Variants in C6orf136 observed in about 807,000 individuals in gnomAD.
C6orf136 encodes the protein uncharacterized protein C6orf136.
C6orf136 carries 29 observed loss-of-function variants against 44.0 expected under a neutral mutation model. The observed-to-expected ratio is 0.66, with a 90% CI of 0.49 to 0.90. C6orf136 has a LOEUF of 0.90. Among genes scored for constraint, C6orf136 ranks in the 40% least tolerant of loss-of-function variants. The pLI, the probability that C6orf136 is intolerant of heterozygous loss-of-function variation, is 0.00. For missense variants in C6orf136, 628 were observed against 669.3 expected, an observed-to-expected ratio of 0.94 and a Z score of 0.68; for synonymous variants, 293 against 278.6, an observed-to-expected ratio of 1.05 and a Z score of -0.52.
chr6:30,647,836 C>T lies in C6orf136; in HGVS notation c.605C>T (p.Ser202Leu), dbSNP rs758865017. The change falls in exon 1 of 6, where the codon TCG becomes TTG. Residue 202 changes from serine to leucine, a missense_variant. Physicochemically the swap from Ser to Leu is moderately radical, Grantham distance 145. Coordinates refer to ENST00000651131, the MANE Select transcript of C6orf136 (RefSeq NM_001161376.2). The surrounding 1 kb of genome is among the most constrained non-coding windows in gnomAD (Gnocchi z 4.8). Reference protein sequence around the residue: ...PSRDGASRTPSGTEDQLYPGT... With the variant: ...PSRDGASRTPLGTEDQLYPGT... Reference sequence around the variant, plus strand: ...AGAGACGGCGCCTCTAGGACACCATCGGGGACCGAGGTACCCGAGCGGTCC... The same window carrying T: ...AGAGACGGCGCCTCTAGGACACCATTGGGGACCGAGGTACCCGAGCGGTCC... 2.0e-6 allele frequency: 3 copies of T among 1,493,852 alleles called. No homozygotes were observed. The South Asian group carries it at 3.8e-5, about 19-fold the overall frequency. The allele number at this position is 1,493,852 out of a possible 1,614,324, so 92.5% of individuals were successfully genotyped here.
chr6:30,650,926 A>G (rs569047856), intron 2 of C6orf136, 68 bp from the exon 3 acceptor site: 5 of 1,306,908 alleles, frequency 3.8e-6, no homozygotes, highest in Non-Finnish European at 5.4e-6. Flanking sequence ...AAAAAAAAAA[A>G]TTAGAAAACT....
At chr6:30,649,433 C>G in intron 1 of C6orf136, 125 bp from the exon 2 acceptor site, 1 of 801,842 alleles carries the variant, frequency 1.2e-6, no homozygotes, top group Non-Finnish European at 1.9e-6. Context: ...TCCCTTTTTT[C>G]CTATAGTAAT....
chr6:30,652,469 G>T, intron 4 of C6orf136, 179 bp from the exon 5 acceptor site: 1 of 647,890 alleles, frequency 1.5e-6, no homozygotes. Context: ...AAAAAATATT[G>T]ACGCCAAACA....
chr6:30,651,407 G>C lies in C6orf136; in HGVS notation c.1248G>C (p.Gly416=), dbSNP rs1192780592. 2 of 1,613,198 alleles carry C rather than the reference G, an allele frequency of 1.2e-6. No homozygotes were observed. The highest frequency in any genetic ancestry group is 8.5e-7 in the Non-Finnish European group (1 of 1,180,026). ...TGCAAGCCCGGTGGCGGCTTGTGGG[G>C]CTGCCCGTCCACTTGCTCTTTTTGC... is the stretch of plus-strand genomic sequence containing the variant. The part of the protein sequence containing the change: ...WTLQARWRLV[G]LPVHLLFLRF... The change falls in exon 4 of 6, where the codon GGG becomes GGC. Residue 416 remains glycine, a synonymous_variant. Transcript: ENST00000651131.
In C6orf136 at chr6:30,649,745, C is replaced by T; in HGVS notation, c.803C>T (p.Pro268Leu). ...CTCAGCTCAGCATGGGTGGTTCTCC[C>T]TCCAGGAAAGGGGGAGGAGGGACCA... ...QALSSAWVVL[P>L]PGKGEEGPGP... Residue 268 changes from proline to leucine, a missense_variant, in exon 2 of 6, where the codon CCT becomes CTT. This residue lies in a region of C6orf136 where 497 missense variants were observed against 469.2 expected (regional missense o/e 1.06). Transcript: ENST00000651131. The T allele has an allele frequency of 6.2e-7, 1 of 1,613,978 alleles. No homozygotes were observed. Among genetic ancestry groups the T allele is most frequent in the Admixed American group, 1.7e-5 (1 of 60,000 alleles).
In C6orf136 at chr6:30,647,541, G is replaced by T. The variant is rs866892600; in HGVS notation, c.310G>T (p.Gly104Cys). ...CCCAGGTTTGAGGGCGGTCAGGCGG[G>T]GTCAAGGCCAGGCAGCGGGGCGCGT... is the stretch of plus-strand genomic sequence containing the variant. The part of the protein sequence containing the change: ...VLPGLRAVRR[G>C]QGQAAGRVCV... The change falls in exon 1 of 6, where the codon GGT (glycine) becomes TGT (cysteine). Residue 104 changes from glycine (G) to cysteine (C), a missense_variant. Gly to Cys is a radical substitution (Grantham distance 159). Coordinates refer to ENST00000651131, the MANE Select transcript of C6orf136 (RefSeq NM_001161376.2). This position sits in a 1 kb window ranked among gnomAD's most constrained non-coding sequence, Gnocchi z 4.8. The T allele has an allele frequency of 2.0e-6, 3 of 1,527,744 alleles. No homozygotes were observed. Among genetic ancestry groups the T allele is most frequent in the East Asian group, 2.5e-5 (1 of 40,352 alleles). The allele number at this position is 1,527,744 out of a possible 1,614,324, so 94.6% of individuals were successfully genotyped here. A position where few individuals can be genotyped will look rare whatever the true frequency, so the allele number is the denominator to read the frequency against.
At position 30,649,763 on chromosome 6, in the gene C6orf136, A is replaced by G. The variant is rs746999138; in HGVS notation, c.821A>G (p.Glu274Gly). ...WVVLPPGKGEEGPGPELHSGC... is the reference protein window; with the variant it reads ...WVVLPPGKGEGGPGPELHSGC... ...GTTCTCCCTCCAGGAAAGGGGGAGG[A>G]GGGACCAGGACCTGAGTTGCATAGC... Residue 274 changes from glutamate (E) to glycine (G), a missense_variant, in exon 2 of 6, where the codon GAG becomes GGG. This residue lies in a region of C6orf136 where 497 missense variants were observed against 469.2 expected (regional missense o/e 1.06). Transcript: ENST00000651131. 5.0e-6 allele frequency: 8 copies of G among 1,613,590 alleles called. No homozygotes were observed. Among genetic ancestry groups the G allele is most frequent in the Non-Finnish European group, 5.9e-6 (7 of 1,179,930 alleles).
At position 30,647,449 on chromosome 6, in the gene C6orf136, A is replaced by G. The variant is rs977537787; in HGVS notation, c.218A>G (p.Asp73Gly). Reference sequence around the variant, plus strand: ...CCCACCTGTGCCCTGCAGCGCGTGGACAGGCTAGGGGTCGCGGGAGCGGGA... The same window carrying G: ...CCCACCTGTGCCCTGCAGCGCGTGGGCAGGCTAGGGGTCGCGGGAGCGGGA... The part of the protein sequence containing the change: ...PLPTCALQRV[D>G]RLGVAGAGGR... Residue 73 changes from aspartate (D) to glycine (G), a missense_variant, in exon 1 of 6, where the codon GAC becomes GGC. Coordinates refer to ENST00000651131, the MANE Select transcript of C6orf136 (RefSeq NM_001161376.2). This position sits in a 1 kb window ranked among gnomAD's most constrained non-coding sequence, Gnocchi z 4.8. The G allele has an allele frequency of 2.0e-6, 3 of 1,471,766 alleles. No individual in the cohort carries two copies. The highest frequency in any genetic ancestry group is 2.7e-6 in the Non-Finnish European group (3 of 1,107,406). 91.2% of individuals were successfully genotyped at this position (1,471,766 alleles called of 1,614,324 possible).
rs775598877 is a variant in C6orf136 at position 30,651,250 on chromosome 6, C to T, written c.1107-16C>T. The T allele has an allele frequency of 1.4e-5, 23 of 1,613,558 alleles. No individual in the cohort carries two copies. The highest frequency in any genetic ancestry group is 3.3e-4 in the Middle Eastern group (2 of 6,084). On this transcript the variant is annotated splice_polypyrimidine_tract_variant and intron_variant, in intron 3 of 5. Transcript: ENST00000651131. ...TTCTGCCATCATGAGATTTCTTTCC[C>T]ATCCCTTCTTCACAGGGGCCGGACA...
chr6:30,649,112 C>G (rs979849459), intron 1 of C6orf136, among the ~76,000 whole-genome samples: 2 of 152,228 alleles, frequency 1.3e-5, no homozygotes, highest in African/African-American at 2.4e-5. Flanking sequence ...CGCCTGTAAT[C>G]CCAGCACTTT....
At chr6:30,650,398 AAAG>A (rs1164268044) in intron 2 of C6orf136, among the ~76,000 whole-genome samples, 2 of 134,774 alleles carry the variant, frequency 1.5e-5, no homozygotes, top group South Asian at 4.3e-4. Flanking sequence ...AAAAAAAAAA[AAAG>A]AAAGAAAATG....
Position 30,651,006 on chromosome 6 carries a change from T to C in C6orf136, c.1030T>C (p.Phe344Leu), listed in dbSNP as rs773589330. 43 of 1,613,432 alleles carry C rather than the reference T, an allele frequency of 2.7e-5. No homozygotes were observed. The Admixed American group carries it at 7.0e-4, about 26-fold the overall frequency. ...TTCTTCCACCTAGCTTCCCAAGCTCTTCCTTCAGTCCCACGACTACAGTCT... is the reference window on the plus strand; with the variant it reads ...TTCTTCCACCTAGCTTCCCAAGCTCCTCCTTCAGTCCCACGACTACAGTCT... ...ERLRQELPKL[F>L]LQSHDYSLYS... The change falls in exon 3 of 6, where the codon TTC (phenylalanine) becomes CTC (leucine). Residue 344 changes from phenylalanine to leucine, a missense_variant. Physicochemically the swap from Phe to Leu is conservative, Grantham distance 22 (BLOSUM62 0). Transcript: ENST00000651131.
At chr6:30,651,508 CTT>C (rs371661755) in intron 4 of C6orf136, 42 bp downstream of exon 4, 18,918 of 1,291,348 alleles carry the variant, frequency 0.015, no homozygotes, top group Non-Finnish European at 0.016. Flanking sequence ...TAATCAGTTC[CTT>C]TTTTTTTTTT....
At chr6:30,652,486 TTTAA>T (rs1767527524) in intron 4 of C6orf136, 158 bp from the exon 5 acceptor site, 7 of 673,094 alleles carry the variant, frequency 1.0e-5, no homozygotes, top group African/African-American at 5.3e-5. Context: ...AACACTCTGA[TTTAA>T]TTGAGACAGG....
chr6:30,651,977 GTGGTGGCTCATGCC>G (rs1447745129), intron 4 of C6orf136, among the ~76,000 whole-genome samples: 1 of 152,094 alleles, frequency 6.6e-6, no homozygotes, highest in Admixed American at 6.6e-5. Context: ...CAGACTGGGT[GTGGTGGCTCATGCC>G]TGTAATGCCA....
Position 30,651,471 on chromosome 6 carries a change from G to A in C6orf136, c.1307+5G>A. 4 of 1,604,166 alleles carry A rather than the reference G, an allele frequency of 2.5e-6. No individual in the cohort carries two copies. Among genetic ancestry groups the A allele is most frequent in the Non-Finnish European group, 3.4e-6 (4 of 1,179,300 alleles). ...TGACAAAGACGAGCATTACCGGTAA[G>A]AGAGAAATGAGAAAGGACCCAAACT... On this transcript the variant is annotated splice_donor_5th_base_variant and intron_variant, in intron 4 of 5. Transcript: ENST00000651131.
chr6:30,648,881 G>A (rs1268998093), intron 1 of C6orf136, among the ~76,000 whole-genome samples: 1 of 151,832 alleles, frequency 6.6e-6, no homozygotes, highest in African/African-American at 2.4e-5. Context: ...GGTGAAGGGT[G>A]CCTGTAATCC....
At position 30,647,835 on chromosome 6, in the gene C6orf136, TC is replaced by T. The variant is rs1767012951; in HGVS notation, c.605del (p.Ser202TrpfsTer135). The T allele has an allele frequency of 6.7e-7, 1 of 1,494,700 alleles. No homozygotes were observed. Among genetic ancestry groups the T allele is most frequent in the Non-Finnish European group, 8.9e-7 (1 of 1,122,278 alleles). The allele number at this position is 1,494,700 out of a possible 1,614,324, so 92.6% of individuals were successfully genotyped here. A position where few individuals can be genotyped will look rare whatever the true frequency, so the allele number is the denominator to read the frequency against. ...CAGAGACGGCGCCTCTAGGACACCATCGGGGACCGAGGTACCCGAGCGGTCC... is the reference window on the plus strand; with the variant it reads ...CAGAGACGGCGCCTCTAGGACACCATGGGGACCGAGGTACCCGAGCGGTCC... ...PSRDGASRTP[S>X]GTEDQLYPGT... is the part of the protein sequence containing the mutation. On this transcript the variant is annotated frameshift_variant, in exon 1 of 6. Transcript: ENST00000651131. LOFTEE classifies it high-confidence loss of function. This position sits in a 1 kb window ranked among gnomAD's most constrained non-coding sequence, Gnocchi z 4.8.
chr6:30,649,083 G>A lies in C6orf136; in HGVS notation c.616-475G>A, dbSNP rs187642659. On this transcript the variant is annotated intron_variant, in intron 1 of 5. Coordinates refer to ENST00000651131, the MANE Select transcript of C6orf136 (RefSeq NM_001161376.2). ...TTATGTCACATAAAACAGTTTGCTCGGCTGGGCGCGGTGGCCCACGCCTGT... is the reference window on the plus strand; with the variant it reads ...TTATGTCACATAAAACAGTTTGCTCAGCTGGGCGCGGTGGCCCACGCCTGT... Among the ~76,000 whole-genome samples the A allele has an allele frequency of 9.3e-4, 141 of 152,166 alleles. 2 individuals are homozygous for A. The Middle Eastern group carries it at 0.01, about 11-fold the overall frequency.
Sources: gnomAD v4.1 joint callset for allele counts (sites outside exome capture counted in the v4.1 genomes callset) on GRCh38, gnomAD v4.1.1 for gene constraint, gnomAD v4.1.1 regional missense constraint, Gnocchi (gnomAD v3.1) non-coding constraint, MANE v1.5 for transcripts, NCBI Gene and HGNC (gene_info 2026-07-23, HGNC 2026-07-21) for gene names.